The following CNTN5 variants were observed in gnomAD, a reference collection of about 807,000 sequenced individuals.
The protein encoded by CNTN5 is contactin 5.
Under a neutral mutation model 129.1 loss-of-function variants are expected in CNTN5, and 77 were observed. That is an observed-to-expected ratio of 0.60 (90% CI 0.50 to 0.72). The LOEUF (loss-of-function observed/expected upper bound fraction) is 0.72. Ranked by LOEUF, CNTN5 falls within the 30% of genes least tolerant of loss-of-function variation. The probability of loss-of-function intolerance (pLI) is 0.00; values close to 1 mark genes in which losing one functional copy is unlikely to be tolerated. For missense variants in CNTN5, 1,478 were observed against 1,328.8 expected (o/e 1.11, Z -1.75); for synonymous variants, 509 against 465.6 (o/e 1.09, Z -1.20).
chr11:99,635,431 C>T (rs988432930), intron 3 of CNTN5, among the ~76,000 whole-genome samples: 3 of 151,962 alleles, frequency 2.0e-5, no homozygotes, highest in Admixed American at 2.0e-4. Flanking sequence ...GCCTGGACAG[C>T]GTAGAGCAGG....
intron 17 of CNTN5, among the ~76,000 whole-genome samples, chr11:100,266,630 C>CTTTTTTT (rs5794047): frequency 7.1e-6 from 1 of 140,832 alleles, no homozygotes; most frequent in African/African-American, 2.6e-5. Flanking sequence ...ATTTCCAAAT[C>CTTTTTTT]TTTTTTTTTT....
At chr11:100,036,533 C>T (rs1942021460) in intron 9 of CNTN5, among the ~76,000 whole-genome samples, 1 of 146,000 alleles carries the variant, frequency 6.8e-6, no homozygotes. Context: ...ATGGGGATGG[C>T]ATTGAATCTG....
chr11:100,298,394 T>A (rs1186239964), intron 19 of CNTN5, among the ~76,000 whole-genome samples: 1 of 151,450 alleles, frequency 6.6e-6, no homozygotes. Context: ...TGAGACCAGA[T>A]CTCTCTAAAT....
At chr11:99,521,932 A>G (rs1947288981) in intron 2 of CNTN5, among the ~76,000 whole-genome samples, 1 of 152,174 alleles carries the variant, frequency 6.6e-6, no homozygotes, top group African/African-American at 2.4e-5. Context: ...AACATTTGCA[A>G]TCTCTTTACC....
intron 1 of CNTN5, among the ~76,000 whole-genome samples, chr11:99,235,444 G>A (rs1240332056): frequency 6.6e-6 from 1 of 151,992 alleles, no homozygotes; most frequent in African/African-American, 2.4e-5. Flanking sequence ...ACATAGTTTA[G>A]CATCCCTAAG....
intron 2 of CNTN5, among the ~76,000 whole-genome samples, chr11:99,330,768 G>C (rs997355443): frequency 6.6e-5 from 10 of 152,098 alleles, no homozygotes; most frequent in African/African-American, 9.7e-5. Context: ...AAAACTCTCA[G>C]TCATTTTAAG....
intron 2 of CNTN5, among the ~76,000 whole-genome samples, chr11:99,418,059 A>C (rs1290311709): frequency 3.9e-5 from 6 of 152,168 alleles, no homozygotes; most frequent in Non-Finnish European, 8.8e-5. Flanking sequence ...TAAAGTATCT[A>C]ATGCACTTCT....
intron 3 of CNTN5, among the ~76,000 whole-genome samples, chr11:99,712,659 G>A (rs1006839645): frequency 6.6e-6 from 1 of 152,026 alleles, no homozygotes; most frequent in African/African-American, 2.4e-5. Context: ...TTTTGTATAA[G>A]GTGTAAGGAA....
At chr11:99,124,532 C>T (rs111738096) in intron 1 of CNTN5, among the ~76,000 whole-genome samples, 7,423 of 151,908 alleles carry the variant, frequency 0.049, 185 homozygotes, top group South Asian at 0.066. Context: ...CTCCAATTAA[C>T]AATTTAACAT....
At chr11:99,693,319 A>G (rs1279789309) in intron 3 of CNTN5, among the ~76,000 whole-genome samples, 2 of 152,128 alleles carry the variant, frequency 1.3e-5, no homozygotes, top group African/African-American at 4.8e-5. Flanking sequence ...AATTATTCCA[A>G]TTAAAAAATT....
chr11:99,780,433 G>C (rs1204376883), intron 3 of CNTN5, among the ~76,000 whole-genome samples: 1 of 151,886 alleles, frequency 6.6e-6, no homozygotes, highest in South Asian at 2.1e-4. Context: ...ACATTATAAC[G>C]ACACTTTAAA....
intron 6 of CNTN5, among the ~76,000 whole-genome samples, chr11:99,846,487 C>T (rs561079466): frequency 6.6e-6 from 1 of 150,834 alleles, no homozygotes; most frequent in Non-Finnish European, 1.5e-5. Flanking sequence ...TAGGTAAAAC[C>T]TTTTATTATT....
At chr11:100,253,530 G>A (rs1330268745) in intron 16 of CNTN5, among the ~76,000 whole-genome samples, 1 of 152,124 alleles carries the variant, frequency 6.6e-6, no homozygotes, top group Non-Finnish European at 1.5e-5. Flanking sequence ...CAAACACTTA[G>A]TAAGCACCTT....
chr11:100,272,692 G>A (rs749486498), intron 18 of CNTN5, among the ~76,000 whole-genome samples: 24 of 152,110 alleles, frequency 1.6e-4, no homozygotes, highest in Non-Finnish European at 2.8e-4. Flanking sequence ...GCTGATTGGG[G>A]GAAAACGTTG....
rs185566180 is a variant in CNTN5, at chr11:99,983,628, C to T, written c.878-18406C>T. Among the ~76,000 whole-genome samples, 337 of 152,160 alleles carry T rather than the reference C, an allele frequency of 2.2e-3. 3 individuals are homozygous for T. Among genetic ancestry groups the T allele is most frequent in the African/African-American group, 7.5e-3 (313 of 41,502 alleles). On this transcript the variant is annotated intron_variant, in intron 8 of 24. Coordinates refer to ENST00000524871, the MANE Select transcript of CNTN5 (RefSeq NM_014361.4). Reference sequence around the variant, plus strand: ...ACAGATTAAAGGGTTGATCTAGAGCCCTGAAAGGACTTTTGGAGAAAGACA... The same window carrying T: ...ACAGATTAAAGGGTTGATCTAGAGCTCTGAAAGGACTTTTGGAGAAAGACA...
At chr11:99,268,513 C>A (rs950052146) in intron 1 of CNTN5, among the ~76,000 whole-genome samples, 6 of 151,478 alleles carry the variant, frequency 4.0e-5, no homozygotes, top group African/African-American at 1.2e-4. Context: ...CATTATTAGT[C>A]CCTACATTGT....
At chr11:99,396,138 C>T (rs886626080) in intron 2 of CNTN5, among the ~76,000 whole-genome samples, 2 of 151,370 alleles carry the variant, frequency 1.3e-5, no homozygotes, top group Non-Finnish European at 3.0e-5. Flanking sequence ...GGCAGTATGG[C>T]CATTTTTTAA....
At chr11:100,116,602 T>G (rs554177408) in intron 13 of CNTN5, among the ~76,000 whole-genome samples, 1 of 151,924 alleles carries the variant, frequency 6.6e-6, no homozygotes, top group African/African-American at 2.4e-5. Context: ...TTTTCTAGGT[T>G]ATAAAAAATA....
intron 2 of CNTN5, among the ~76,000 whole-genome samples, chr11:99,445,624 A>G (rs533075180): frequency 9.9e-5 from 15 of 152,272 alleles, no homozygotes; most frequent in East Asian, 7.7e-4. Flanking sequence ...TTTTTATTCT[A>G]TCCTCAAAGA....
Sources: allele counts gnomAD v4.1 joint callset (sites outside exome capture counted in the v4.1 genomes callset), GRCh38; gene constraint gnomAD v4.1.1; transcripts MANE v1.5; gene names NCBI Gene and HGNC (gene_info 2026-07-23, HGNC 2026-07-21).